The following SIPA1L1 variants were observed in gnomAD, a reference collection of about 807,000 sequenced individuals.
The protein encoded by SIPA1L1 is signal-induced proliferation-associated 1-like protein 1.
SIPA1L1 carries 26 observed loss-of-function variants against 162.7 expected under a neutral mutation model. The ratio of observed to expected loss-of-function variants is 0.16; its 90% CI spans 0.12 to 0.22. The LOEUF (loss-of-function observed/expected upper bound fraction) is 0.22. SIPA1L1 is among the 10% of genes least tolerant of loss of function. The pLI is 1.00. For missense variants in SIPA1L1, 1,874 were observed against 2,241.0 expected, an observed-to-expected ratio of 0.84 and a Z score of 3.31; for synonymous variants, 829 against 837.4, an observed-to-expected ratio of 0.99 and a Z score of 0.17.
intron 23 of SIPA1L1, 107 bp downstream of exon 23, chr14:71,738,432 G>A (rs774031177): frequency 1.6e-5 from 11 of 691,758 alleles, no homozygotes; most frequent in East Asian, 2.8e-5. Flanking sequence ...GTGTCTTCCC[G>A]GTGCCTGCAT....
At position 71,544,200 on chromosome 14, in the gene SIPA1L1, T is replaced by C. The variant is rs566571905; in HGVS notation, c.-303+14830T>C. On this transcript the variant is annotated intron_variant, in intron 4 of 23. Coordinates refer to ENST00000381232, the MANE Select transcript of SIPA1L1 (RefSeq NM_001386936.1). ...ACGTGTGTGTATATATACATATGCA[T>C]GTATGCACATGCATGTGTATATACA... 1.2e-4 allele frequency among the ~76,000 whole-genome samples: 17 copies of C among 145,554 alleles called. No homozygotes were observed. In the East Asian group the frequency reaches 2.3e-3, roughly 20 times the overall value.
chr14:71,608,911 A>G (rs1269404793), intron 5 of SIPA1L1, among the ~76,000 whole-genome samples: 1 of 152,138 alleles, frequency 6.6e-6, no homozygotes, highest in Non-Finnish European at 1.5e-5. Flanking sequence ...AACAAAACAA[A>G]AACAAACAAA....
chr14:71,545,010 A>G (rs992799116), intron 4 of SIPA1L1, among the ~76,000 whole-genome samples: 1 of 152,054 alleles, frequency 6.6e-6, no homozygotes, highest in African/African-American at 2.4e-5. Flanking sequence ...CTACAAATAT[A>G]CACCACCATG....
At chr14:71,585,656 G>A (rs998632162) in intron 4 of SIPA1L1, among the ~76,000 whole-genome samples, 2 of 152,306 alleles carry the variant, frequency 1.3e-5, no homozygotes, top group Admixed American at 6.5e-5. Context: ...GGTGGGATTG[G>A]TGTGTTGTCC....
intron 2 of SIPA1L1, among the ~76,000 whole-genome samples, chr14:71,502,072 CT>C (rs578226783): frequency 0.036 from 4,799 of 133,320 alleles, 180 homozygotes; most frequent in African/African-American, 0.093. Context: ...TTGAACATAG[CT>C]TTTTTTTTTT....
At chr14:71,691,617 C>T (rs1009319514) in intron 13 of SIPA1L1, among the ~76,000 whole-genome samples, 3 of 152,042 alleles carry the variant, frequency 2.0e-5, no homozygotes, top group African/African-American at 7.2e-5. Flanking sequence ...TCTATGTGGA[C>T]TTGCCTTTCC....
At chr14:71,586,056 A>G (rs915195800) in intron 4 of SIPA1L1, among the ~76,000 whole-genome samples, 4 of 152,204 alleles carry the variant, frequency 2.6e-5, no homozygotes, top group African/African-American at 7.2e-5. Context: ...AGAAAGCTCA[A>G]AAGCCATGTT....
chr14:71,372,762 G>T (rs2039009299), intron 2 of SIPA1L1, among the ~76,000 whole-genome samples: 1 of 152,134 alleles, frequency 6.6e-6, no homozygotes, highest in African/African-American at 2.4e-5. Context: ...GGCCTGGGGT[G>T]TCTGTAATAT....
At chr14:71,650,553 G>A (rs556905098) in intron 8 of SIPA1L1, 44 bp downstream of exon 8, 1 of 1,557,108 alleles carries the variant, frequency 6.4e-7, no homozygotes, top group Non-Finnish European at 8.8e-7. Context: ...TTTTCCCCCT[G>A]TTGTGCTGTT....
intron 13 of SIPA1L1, among the ~76,000 whole-genome samples, chr14:71,697,251 A>G (rs2081711719): frequency 6.6e-6 from 1 of 152,164 alleles, no homozygotes; most frequent in Admixed American, 6.5e-5. Flanking sequence ...GAGAAATCAG[A>G]AGCCCCTCAG....
At chr14:71,446,190 T>C (rs1272977598) in intron 2 of SIPA1L1, among the ~76,000 whole-genome samples, 1 of 152,100 alleles carries the variant, frequency 6.6e-6, no homozygotes, top group Non-Finnish European at 1.5e-5. Flanking sequence ...TTTTGCCAAC[T>C]AAGTAAGTAA....
intron 3 of SIPA1L1, among the ~76,000 whole-genome samples, chr14:71,517,648 C>T (rs1361166181): frequency 2.0e-5 from 3 of 152,188 alleles, no homozygotes; most frequent in Non-Finnish European, 4.4e-5. Flanking sequence ...ACCAGAGCAT[C>T]TGAATGTTTC....
intron 4 of SIPA1L1, among the ~76,000 whole-genome samples, chr14:71,565,382 C>G (rs945249101): frequency 2.6e-5 from 4 of 152,132 alleles, no homozygotes; most frequent in African/African-American, 9.7e-5. Flanking sequence ...TGCAGAGATA[C>G]TGAATTTGGT....
intron 6 of SIPA1L1, among the ~76,000 whole-genome samples, chr14:71,620,387 T>G (rs1211361976): frequency 6.6e-6 from 1 of 152,212 alleles, no homozygotes; most frequent in Non-Finnish European, 1.5e-5. Flanking sequence ...CAGTTTTTAG[T>G]GATACTCTCT....
At chr14:71,714,485 G>A (rs916147297) in intron 17 of SIPA1L1, among the ~76,000 whole-genome samples, 5 of 152,142 alleles carry the variant, frequency 3.3e-5, no homozygotes, top group Admixed American at 6.6e-5. Flanking sequence ...CCCATTCTTC[G>A]TCATATGTAA....
At chr14:71,382,542 A>G (rs549467330) in intron 2 of SIPA1L1, among the ~76,000 whole-genome samples, 2 of 152,218 alleles carry the variant, frequency 1.3e-5, no homozygotes, top group Non-Finnish European at 2.9e-5. Context: ...AGGTGACTCC[A>G]TTTTGGCAGT....
chr14:71,332,924 A>G (rs1360284849), intron 2 of SIPA1L1, among the ~76,000 whole-genome samples: 2 of 152,206 alleles, frequency 1.3e-5, no homozygotes, highest in Admixed American at 1.3e-4. Flanking sequence ...AGATAGTAGA[A>G]ATATTTTTGA....
chr14:71,453,986 G>A (rs2046000871), intron 2 of SIPA1L1, among the ~76,000 whole-genome samples: 2 of 121,820 alleles, frequency 1.6e-5, no homozygotes, highest in African/African-American at 6.7e-5. Flanking sequence ...GTGACAGGGC[G>A]AGATTGTTTC....
chr14:71,631,955 C>G (rs2040616420), intron 7 of SIPA1L1, among the ~76,000 whole-genome samples: 1 of 152,142 alleles, frequency 6.6e-6, no homozygotes, highest in South Asian at 2.1e-4. Context: ...TGAATTAGAA[C>G]AATTTTTTTT....
Sources: gnomAD v4.1 joint callset for allele counts (sites outside exome capture counted in the v4.1 genomes callset) on GRCh38, gnomAD v4.1.1 for gene constraint, MANE v1.5 for transcripts, NCBI Gene and HGNC (gene_info 2026-07-23, HGNC 2026-07-21) for gene names.